Variants in SPMIP4 observed in about 807,000 individuals in gnomAD.
The protein encoded by SPMIP4 is sperm microtubule inner protein 4.
At chr7:25,136,325 G>T in the SPMIP4 span, 1 of 1,614,172 alleles carries the variant, frequency 6.2e-7, no homozygotes, top group Non-Finnish European at 8.5e-7. This position sits in a 1 kb window ranked among gnomAD's most constrained non-coding sequence, Gnocchi z 5.7. Context: ...ATATTATACT[G>T]ATCACGTAGG....
At chr7:25,143,523 A>G in the SPMIP4 span, among the ~76,000 whole-genome samples, 2 of 152,136 alleles carry the variant, frequency 1.3e-5, no homozygotes, top group African/African-American at 2.4e-5. Flanking sequence ...ATAAACCATG[A>G]AACACAAATG....
At chr7:25,161,236 A>T in the SPMIP4 span, 1 of 1,562,898 alleles carries the variant, frequency 6.4e-7, no homozygotes. Flanking sequence ...GGGTCAAATA[A>T]TAAAATTGTT....
the SPMIP4 span, among the ~76,000 whole-genome samples, chr7:25,172,872 G>A: frequency 6.6e-6 from 1 of 151,966 alleles, no homozygotes; most frequent in African/African-American, 2.4e-5. The surrounding 1 kb of genome is among the most constrained non-coding windows in gnomAD (Gnocchi z 4.2). Flanking sequence ...GTGAGAGGTG[G>A]AGCATGAGAG....
At chr7:25,132,476 TTAAAAG>T in the SPMIP4 span, among the ~76,000 whole-genome samples, 40 of 152,232 alleles carry the variant, frequency 2.6e-4, no homozygotes, top group African/African-American at 9.4e-4. The surrounding 1 kb of genome is among the most constrained non-coding windows in gnomAD (Gnocchi z 5.0). Flanking sequence ...GATACATTTG[TTAAAAG>T]TAAAAGTAGA....
the SPMIP4 span, among the ~76,000 whole-genome samples, chr7:25,171,246 C>G: frequency 7.9e-4 from 121 of 152,284 alleles, no homozygotes; most frequent in African/African-American, 2.8e-3. Context: ...ATGATTTACT[C>G]TGCTTTTTCT....
At chr7:25,154,883 C>A in the SPMIP4 span, 4 of 864,848 alleles carry the variant, frequency 4.6e-6, no homozygotes, top group African/African-American at 5.2e-5. Context: ...CAGCTGTGAA[C>A]AAGTTTCCTG....
chr7:25,131,882 G>C, the SPMIP4 span, among the ~76,000 whole-genome samples: 3 of 152,310 alleles, frequency 2.0e-5, no homozygotes, highest in African/African-American at 4.8e-5. The surrounding 1 kb of genome is among the most constrained non-coding windows in gnomAD (Gnocchi z 4.2). Flanking sequence ...TGGGCACCTC[G>C]CTGGATCAGG....
the SPMIP4 span, among the ~76,000 whole-genome samples, chr7:25,137,115 T>C: frequency 1.9e-4 from 29 of 152,286 alleles, no homozygotes; most frequent in South Asian, 5.8e-3. Context: ...CACTAACAGA[T>C]GGCATTAGCC....
the SPMIP4 span, among the ~76,000 whole-genome samples, chr7:25,164,838 T>G: frequency 3.3e-5 from 5 of 152,180 alleles, no homozygotes; most frequent in African/African-American, 1.2e-4. Context: ...TTTTGTATCC[T>G]CATAGCTTAG....
the SPMIP4 span, among the ~76,000 whole-genome samples, chr7:25,134,174 C>T: frequency 6.6e-6 from 1 of 151,846 alleles, no homozygotes; most frequent in African/African-American, 2.4e-5. Flanking sequence ...GCAGGAGAAT[C>T]GCTTGAACCC....
At chr7:25,179,214 G>A in the SPMIP4 span, 2 of 1,613,206 alleles carry the variant, frequency 1.2e-6, no homozygotes, top group Non-Finnish European at 1.7e-6. Flanking sequence ...CGTCTGGAGG[G>A]GGTTGTGCAA....
chr7:25,144,689 G>C, the SPMIP4 span, among the ~76,000 whole-genome samples: 1 of 152,190 alleles, frequency 6.6e-6, no homozygotes, highest in Non-Finnish European at 1.5e-5. Flanking sequence ...CCACAGAAAG[G>C]GCCACAGCCA....
At chr7:25,156,384 A>G in the SPMIP4 span, among the ~76,000 whole-genome samples, 2 of 152,208 alleles carry the variant, frequency 1.3e-5, no homozygotes, top group Non-Finnish European at 2.9e-5. Flanking sequence ...TCCAAGAAAT[A>G]TGACCTAACA....
the SPMIP4 span, chr7:25,135,894 C>G: frequency 3.4e-6 from 5 of 1,491,594 alleles, no homozygotes; most frequent in African/African-American, 2.8e-5. Flanking sequence ...AAAACAGAAT[C>G]CAGCAATACG....
the SPMIP4 span, among the ~76,000 whole-genome samples, chr7:25,139,351 G>A: frequency 6.6e-6 from 1 of 152,014 alleles, no homozygotes; most frequent in African/African-American, 2.4e-5. Flanking sequence ...AACAAGCATA[G>A]CAAAATGTTA....
chr7:25,143,735 G>A, the SPMIP4 span, among the ~76,000 whole-genome samples: 1 of 151,960 alleles, frequency 6.6e-6, no homozygotes, highest in Non-Finnish European at 1.5e-5. Flanking sequence ...TGGACTACAG[G>A]CCTGTACCAC....
At chr7:25,153,747 C>T in the SPMIP4 span, among the ~76,000 whole-genome samples, 1 of 152,126 alleles carries the variant, frequency 6.6e-6, no homozygotes, top group Non-Finnish European at 1.5e-5. Context: ...CTTATCATTT[C>T]CTTTAGAACA....
At chr7:25,150,585 C>T in the SPMIP4 span, among the ~76,000 whole-genome samples, 2 of 152,164 alleles carry the variant, frequency 1.3e-5, no homozygotes, top group Non-Finnish European at 2.9e-5. Flanking sequence ...ATATGGAGAA[C>T]ACTTGGCACT....
the SPMIP4 span, among the ~76,000 whole-genome samples, chr7:25,160,149 A>G: frequency 7.0e-6 from 1 of 142,664 alleles, no homozygotes; most frequent in Non-Finnish European, 1.6e-5. Flanking sequence ...AAATCACCAA[A>G]GGGATAAACC....
Sources: gnomAD v4.1 joint callset for allele counts (sites outside exome capture counted in the v4.1 genomes callset) on GRCh38, gnomAD v4.1.1 for gene constraint, Gnocchi (gnomAD v3.1) non-coding constraint, MANE v1.5 for transcripts, NCBI Gene and HGNC (gene_info 2026-07-23, HGNC 2026-07-21) for gene names.